The following LEFTY1 variants were observed in gnomAD, a reference collection of about 807,000 sequenced individuals.
LEFTY1 encodes the protein left-right determination factor 1.
In LEFTY1, 18 loss-of-function variants were observed where a neutral mutation model predicts 22.6. The ratio of observed to expected loss-of-function variants is 0.80; its 90% confidence interval spans 0.55 to 1.18. The LOEUF (loss-of-function observed/expected upper bound fraction) is 1.18. Among genes scored for constraint, LEFTY1 ranks in the 50% most tolerant of loss-of-function variants. The pLI, the probability that LEFTY1 is intolerant of heterozygous loss-of-function variation, is 0.00. For missense variants in LEFTY1, 414 were observed against 495.4 expected, an observed-to-expected ratio of 0.84 and a Z score of 1.56; for synonymous variants, 201 against 231.5, an observed-to-expected ratio of 0.87 and a Z score of 1.20.
chr1:225,888,804 G>T lies in LEFTY1; in HGVS notation c.250+13C>A. The T allele has an allele frequency of 6.2e-7, 1 of 1,612,952 alleles. No individual in the cohort carries two copies. Among genetic ancestry groups the T allele is most frequent in the Non-Finnish European group, 8.5e-7 (1 of 1,179,756 alleles). ...CCCATGGGACCAGGGGCAGCAGGGA[G>T]GGAGGGCCTCACCTCGGAAGCTCTG... On this transcript the variant is annotated intron_variant, in intron 1 of 3. Transcript: ENST00000272134.
chr1:225,886,847 G>T lies in LEFTY1; in HGVS notation c.981C>A (p.Ile327=). 1 of 1,613,936 alleles carries T rather than the reference G, an allele frequency of 6.2e-7. No individual in the cohort carries two copies. Among genetic ancestry groups the T allele is most frequent in the Non-Finnish European group, 8.5e-7 (1 of 1,180,036 alleles). The part of the protein sequence containing the change: ...IASETDSLPM[I]VSIKEGGRTR... ...TCCTGCCTCCCTCCTTGATGCTGAC[G>T]ATCATGGGCAGCGAGTCAGTCTCCG... The change falls in exon 4 of 4, where the codon ATC becomes ATA. Residue 327 remains isoleucine, a synonymous_variant. Coordinates refer to ENST00000272134, the MANE Select transcript of LEFTY1 (RefSeq NM_020997.4).
Position 225,887,652 on chromosome 1 carries a change from C to T in LEFTY1, c.498-14G>A. On this transcript the variant is annotated splice_polypyrimidine_tract_variant and intron_variant, in intron 2 of 3. Coordinates refer to ENST00000272134, the MANE Select transcript of LEFTY1 (RefSeq NM_020997.4). Reference sequence around the variant, plus strand: ...ACGGACACCAGCCTGAGACATGACACAGAGACCCAGCGCCGCTTGAGGGCG... The same window carrying T: ...ACGGACACCAGCCTGAGACATGACATAGAGACCCAGCGCCGCTTGAGGGCG... The T allele has an allele frequency of 6.2e-7, 1 of 1,612,216 alleles. No homozygotes were observed. The highest frequency in any genetic ancestry group is 8.5e-7 in the Non-Finnish European group (1 of 1,179,734).
rs773412175 is a variant in LEFTY1, at chr1:225,887,949, C to T, written c.334G>A (p.Glu112Lys). 44 of 1,570,192 alleles carry T rather than the reference C, an allele frequency of 2.8e-5. No homozygotes were observed. Among genetic ancestry groups the T allele is most frequent in the South Asian group, 4.6e-5 (4 of 87,402 alleles). The change falls in exon 2 of 4, where the codon GAG becomes AAG. Residue 112 changes from glutamate to lysine, a missense_variant. Around this residue, in one of 2 missense-constraint regions of LEFTY1, gnomAD observed 398 missense variants for 454.7 expected, o/e 0.88. Transcript: ENST00000272134. ...GMEQRLPPNS[E>K]LVQAVLRLFQ... Reference sequence around the variant, plus strand: ...AGCCGCAGCACGGCCTGCACCAGCTCGCTGTTGGGCGGCAGCCGCTGCTCC... The same window carrying T: ...AGCCGCAGCACGGCCTGCACCAGCTTGCTGTTGGGCGGCAGCCGCTGCTCC...
At position 225,887,967 on chromosome 1, in the gene LEFTY1, G is replaced by C; in HGVS notation, c.316C>G (p.Arg106Gly). 1 of 1,585,254 alleles carries C rather than the reference G, an allele frequency of 6.3e-7. No individual in the cohort carries two copies. Among genetic ancestry groups the C allele is most frequent in the Non-Finnish European group, 8.5e-7 (1 of 1,176,092 alleles). Residue 106 changes from arginine to glycine, a missense_variant, in exon 2 of 4, where the codon CGG (arginine) becomes GGG (glycine). Arg to Gly is a moderately radical substitution (Grantham distance 125, BLOSUM62 -2). Around this residue, in one of 2 missense-constraint regions of LEFTY1, gnomAD observed 398 missense variants for 454.7 expected, o/e 0.88. Transcript: ENST00000272134. ...ACCAGCTCGCTGTTGGGCGGCAGCC[G>C]CTGCTCCATGCCGAACACCAGCAGG... is the stretch of plus-strand genomic sequence containing the variant. ...THLLVFGMEQ[R>G]LPPNSELVQA...
rs953260166 is a variant in LEFTY1 at position 225,887,080 on chromosome 1, C to T, written c.748G>A (p.Asp250Asn). Reference protein sequence around the residue: ...LDLGDYGAQGDCDPEAPMTEG... With the variant: ...LDLGDYGAQGNCDPEAPMTEG... ...GTCATTGGTGCTTCAGGGTCACAGT[C>T]GCCCTGAGCTCTGTGTGGGCAAAGA... Residue 250 changes from aspartate (D) to asparagine (N), a missense_variant, in exon 4 of 4, where the codon GAC (aspartate) becomes AAC (asparagine). Coordinates refer to ENST00000272134, the MANE Select transcript of LEFTY1 (RefSeq NM_020997.4). 7 of 1,600,774 alleles carry T rather than the reference C, an allele frequency of 4.4e-6. No individual in the cohort carries two copies. Among genetic ancestry groups the T allele is most frequent in the South Asian group, 3.4e-5 (3 of 89,214 alleles).
chr1:225,887,015 G>A lies in LEFTY1; in HGVS notation c.813C>T (p.Asp271=), dbSNP rs1490062038. The part of the protein sequence containing the change: ...TRCCRQEMYI[D]LQGMKWAENW... Reference sequence around the variant, plus strand: ...TCTCGGCCCACTTCATCCCCTGCAGGTCAATGTACATCTCCTGGCGGCAGC... The same window carrying A: ...TCTCGGCCCACTTCATCCCCTGCAGATCAATGTACATCTCCTGGCGGCAGC... The change falls in exon 4 of 4, where the codon GAC becomes GAT. Residue 271 remains aspartate, a synonymous_variant. Coordinates refer to ENST00000272134, the MANE Select transcript of LEFTY1 (RefSeq NM_020997.4). 1 of 1,606,126 alleles carries A rather than the reference G, an allele frequency of 6.2e-7. No homozygotes were observed. Among genetic ancestry groups the A allele is most frequent in the Non-Finnish European group, 8.5e-7 (1 of 1,175,044 alleles).
At chr1:225,888,382 G>A (rs1317854298) in intron 1 of LEFTY1, among the ~76,000 whole-genome samples, 2 of 152,122 alleles carry the variant, frequency 1.3e-5, no homozygotes, top group African/African-American at 4.8e-5. Flanking sequence ...ATTCAGGCCC[G>A]CTGCACCCCT....
intron 3 of LEFTY1, 32 bp from the exon 4 acceptor site, chr1:225,887,122 C>T (rs776359964): frequency 2.2e-5 from 35 of 1,580,062 alleles, no homozygotes; most frequent in Non-Finnish European, 3.0e-5. Flanking sequence ...GGTCAGCGGT[C>T]AGCTGGGAGG....
chr1:225,888,726 T>C, intron 1 of LEFTY1, 91 bp downstream of exon 1: 1 of 1,554,310 alleles, frequency 6.4e-7, no homozygotes, highest in Non-Finnish European at 8.7e-7. Flanking sequence ...CCCACAGACC[T>C]CTGCAAGGCC....
Position 225,886,580 on chromosome 1 carries a change from A to C in LEFTY1, c.*147T>G, listed in dbSNP as rs994571827. On this transcript the variant is annotated 3_prime_UTR_variant, in exon 4 of 4. Coordinates refer to ENST00000272134, the MANE Select transcript of LEFTY1 (RefSeq NM_020997.4). ...CTGAGAAGCAAAAATTAGGTGAGGT[A>C]ACTTGTCAGAGGAAGCAAATTCAGG... 2 of 1,462,014 alleles carry C rather than the reference A, an allele frequency of 1.4e-6. No individual in the cohort carries two copies. 90.6% of individuals were successfully genotyped at this position (1,462,014 alleles called of 1,614,324 possible).
intron 2 of LEFTY1, 34 bp downstream of exon 2, chr1:225,887,752 C>G: frequency 1.3e-6 from 2 of 1,556,986 alleles, no homozygotes; most frequent in Non-Finnish European, 1.7e-6. Context: ...TAGCAGCGCC[C>G]TCCCCCTACC....
chr1:225,886,672 T>C lies in LEFTY1; in HGVS notation c.*55A>G. 6.2e-7 allele frequency: 1 copy of C among 1,610,034 alleles called. No homozygotes were observed. The highest frequency in any genetic ancestry group is 8.5e-7 in the Non-Finnish European group (1 of 1,179,260). ...GTCATCGCCAGCTCTCCTGGTACCC[T>C]CGAACACTTCAGAAACACACACAAG... On this transcript the variant is annotated 3_prime_UTR_variant, in exon 4 of 4. Coordinates refer to ENST00000272134, the MANE Select transcript of LEFTY1 (RefSeq NM_020997.4).
intron 1 of LEFTY1, 33 bp from the exon 2 acceptor site, chr1:225,888,065 C>A (rs1200204614): frequency 1.3e-6 from 2 of 1,589,122 alleles, no homozygotes; most frequent in East Asian, 2.3e-5. Context: ...CAGGGCCTCC[C>A]CCGACTCCAG....
At position 225,887,390 on chromosome 1, in the gene LEFTY1, A is replaced by G. The variant is rs1366309454; in HGVS notation, c.737+9T>C. The G allele has an allele frequency of 1.2e-6, 2 of 1,613,550 alleles. No individual in the cohort carries two copies. Among genetic ancestry groups the G allele is most frequent in the South Asian group, 1.1e-5 (1 of 91,064 alleles). ...ATTCCGGCTTACCAGTTTGACCCTC[A>G]GCACCTACCCATAGTCCCCAAGGTC... is the stretch of plus-strand genomic sequence containing the variant. On this transcript the variant is annotated intron_variant, in intron 3 of 3. Transcript: ENST00000272134.
chr1:225,886,986 C>T lies in LEFTY1; in HGVS notation c.842G>A (p.Trp281Ter). 6.2e-7 allele frequency: 1 copy of T among 1,610,366 alleles called. No individual in the cohort carries two copies. The highest frequency in any genetic ancestry group is 2.2e-5 in the East Asian group (1 of 44,814). The change falls in exon 4 of 4, where the codon TGG (tryptophan) becomes TAG (stop). Residue 281 changes from tryptophan (W) to a stop codon, truncating the protein, a stop_gained. Coordinates refer to ENST00000272134, the MANE Select transcript of LEFTY1 (RefSeq NM_020997.4). LOFTEE classifies it low-confidence loss of function (END_TRUNC). ...CAGGAAGCCCGGGGGCTCCAGCACC[C>T]AGTTCTCGGCCCACTTCATCCCCTG... ...DLQGMKWAEN[W>*]VLEPPGFLAY...
At chr1:225,888,136 G>C in intron 1 of LEFTY1, 104 bp from the exon 2 acceptor site, 1 of 1,488,082 alleles carries the variant, frequency 6.7e-7, no homozygotes, top group East Asian at 2.5e-5. Flanking sequence ...CACCGGCCCT[G>C]TTCTATTTCT....
rs1463156209 is a variant in LEFTY1 at position 225,888,881 on chromosome 1, C to G, written c.186G>C (p.Val62=). The part of the protein sequence containing the change: ...VIPTHVRAQY[V]ALLQRSHGDR... The stretch of plus-strand genomic sequence containing the variant: ...CCCCGTGGCTGCGCTGCAGCAGGGC[C>G]ACGTACTGGGCCCTCACGTGGGTGG... The change falls in exon 1 of 4, where the codon GTG becomes GTC. Residue 62 remains valine (V), a synonymous_variant. Transcript: ENST00000272134. 6.2e-7 allele frequency: 1 copy of G among 1,613,288 alleles called. No individual in the cohort carries two copies.
At position 225,888,672 on chromosome 1, in the gene LEFTY1, G is replaced by A. The variant is rs538957909; in HGVS notation, c.250+145C>T. ...GAGGCCCCGCCATCCTCACAGGCCC[G>A]GCCCCACCTCACTGCCCCTTAGACC... On this transcript the variant is annotated intron_variant, in intron 1 of 3. Coordinates refer to ENST00000272134, the MANE Select transcript of LEFTY1 (RefSeq NM_020997.4). 4.3e-4 allele frequency: 475 copies of A among 1,114,496 alleles called. 2 individuals are homozygous for A. In the African/African-American group the frequency reaches 6.2e-3, roughly 15 times the overall value. 69.0% of individuals were successfully genotyped at this position (1,114,496 alleles called of 1,614,324 possible). A position where few individuals can be genotyped will look rare whatever the true frequency, so the allele number is the denominator to read the frequency against.
In LEFTY1 at chr1:225,886,508, T is replaced by A; in HGVS notation, c.*219A>T. 1 of 811,640 alleles carries A rather than the reference T, an allele frequency of 1.2e-6. No homozygotes were observed. Among genetic ancestry groups the A allele is most frequent in the Non-Finnish European group, 1.9e-6 (1 of 533,366 alleles). 50.3% of individuals were successfully genotyped at this position (811,640 alleles called of 1,614,324 possible). On this transcript the variant is annotated 3_prime_UTR_variant, in exon 4 of 4. Coordinates refer to ENST00000272134, the MANE Select transcript of LEFTY1 (RefSeq NM_020997.4). ...AATATAGTGCAGTGAATAATAAGAA[T>A]AGAGAAAACTGAGCAAGGGCTCTCC...
Sources: gnomAD v4.1 joint callset for allele counts (sites outside exome capture counted in the v4.1 genomes callset) on GRCh38, gnomAD v4.1.1 for gene constraint, gnomAD v4.1.1 regional missense constraint, MANE v1.5 for transcripts, NCBI Gene and HGNC (gene_info 2026-07-23, HGNC 2026-07-21) for gene names.